RALGPS2: variants seen among roughly 807,000 people sequenced by gnomAD.
RALGPS2 encodes the protein Ral GEF with PH domain and SH3 binding motif 2.
A neutral mutation model predicts 86.8 loss-of-function variants in RALGPS2; 43 were observed. The observed-to-expected ratio is 0.50, with a 90% CI of 0.39 to 0.64. RALGPS2 has a LOEUF of 0.64. Ranked by LOEUF, RALGPS2 falls within the 30% of genes least tolerant of loss-of-function variation. The pLI, the probability that RALGPS2 is intolerant of heterozygous loss-of-function variation, is 0.00. For missense variants in RALGPS2, 536 were observed against 694.6 expected (o/e 0.77, Z 2.57); for synonymous variants, 243 against 231.3 (o/e 1.05, Z -0.46).
intron 1 of RALGPS2, among the ~76,000 whole-genome samples, chr1:178,734,826 A>G (rs1289204333): frequency 6.6e-6 from 1 of 152,226 alleles, no homozygotes; most frequent in East Asian, 1.9e-4. Flanking sequence ...GATTTAGAAA[A>G]AGGATAGCAT....
chr1:178,880,548 A>G (rs1445060644), intron 10 of RALGPS2, among the ~76,000 whole-genome samples: 1 of 152,090 alleles, frequency 6.6e-6, no homozygotes, highest in African/African-American at 2.4e-5. Flanking sequence ...TTCAAGTTTG[A>G]TGGTCTGTGT....
At chr1:178,843,751 G>T (rs369330749) in intron 8 of RALGPS2, among the ~76,000 whole-genome samples, 37 of 152,070 alleles carry the variant, frequency 2.4e-4, no homozygotes, top group African/African-American at 8.0e-4. Context: ...TTAGATACTG[G>T]TATTCTTCAT....
chr1:178,888,246 C>T (rs1454307578), intron 13 of RALGPS2, among the ~76,000 whole-genome samples: 2 of 152,024 alleles, frequency 1.3e-5, no homozygotes, highest in East Asian at 3.9e-4. Context: ...CATTTACCTT[C>T]GAGGATTTTT....
At chr1:178,759,943 G>A (rs1327640109) in intron 1 of RALGPS2, among the ~76,000 whole-genome samples, 1 of 152,096 alleles carries the variant, frequency 6.6e-6, no homozygotes, top group Admixed American at 6.5e-5. Flanking sequence ...TTTATACCCT[G>A]CAACTTTACT....
chr1:178,732,296 T>A (rs917236558), intron 1 of RALGPS2, among the ~76,000 whole-genome samples: 1 of 129,682 alleles, frequency 7.7e-6, no homozygotes, highest in Non-Finnish European at 1.6e-5. Flanking sequence ...TGATTTATTT[T>A]ATTTATTTAT....
Position 178,833,467 on chromosome 1 carries a change from A to T in RALGPS2, c.524A>T (p.Tyr175Phe). Residue 175 changes from tyrosine (Y) to phenylalanine (F), a missense_variant, in exon 8 of 20, where the codon TAT becomes TTT. By Grantham distance (22) the Tyr-to-Phe change is conservative. Coordinates refer to ENST00000367635, the MANE Select transcript of RALGPS2 (RefSeq NM_152663.5). The part of the protein sequence containing the change: ...KDKTTFEKLE[Y>F]VMSKEDNYKR... ...AAAACTACCTTTGAAAAATTAGAATATGTAATGAGTAAAGAAGATAACTAC... is the reference window on the plus strand; with the variant it reads ...AAAACTACCTTTGAAAAATTAGAATTTGTAATGAGTAAAGAAGATAACTAC... 6.6e-7 allele frequency: 1 copy of T among 1,525,558 alleles called. No individual in the cohort carries two copies. Among genetic ancestry groups the T allele is most frequent in the South Asian group, 1.3e-5 (1 of 76,090 alleles). The allele number at this position is 1,525,558 out of a possible 1,614,324, so 94.5% of individuals were successfully genotyped here.
At position 178,903,651 on chromosome 1, in the gene RALGPS2, C is replaced by T. The variant is rs978514231; in HGVS notation, c.1630+1440C>T. ...TTCACTTAGAATAATAGTTTCTAAT[C>T]TTATCCAGGTCACTGCAAATGCTGT... is the stretch of plus-strand genomic sequence containing the variant. On this transcript the variant is annotated intron_variant, in intron 18 of 19. Coordinates refer to ENST00000367635, the MANE Select transcript of RALGPS2 (RefSeq NM_152663.5). Among the ~76,000 whole-genome samples, 6 of 152,268 alleles carry T rather than the reference C, an allele frequency of 3.9e-5. No individual in the cohort carries two copies. In the South Asian group the frequency reaches 8.3e-4, roughly 21 times the overall value.
intron 6 of RALGPS2, among the ~76,000 whole-genome samples, chr1:178,818,321 G>T (rs1558132834): frequency 6.6e-6 from 1 of 152,100 alleles, no homozygotes; most frequent in South Asian, 2.1e-4. Flanking sequence ...GATCATGCCA[G>T]TGCACTCCAG....
intron 1 of RALGPS2, among the ~76,000 whole-genome samples, chr1:178,765,527 C>T (rs971877597): frequency 5.9e-5 from 9 of 152,042 alleles, no homozygotes; most frequent in South Asian, 2.1e-4. Flanking sequence ...ATCACAGGAA[C>T]GGAGCGAAAT....
intron 1 of RALGPS2, among the ~76,000 whole-genome samples, chr1:178,755,158 T>G (rs1651886355): frequency 6.6e-6 from 1 of 152,196 alleles, no homozygotes; most frequent in Non-Finnish European, 1.5e-5. Flanking sequence ...TTTTTTCCAA[T>G]GCATGTGTGA....
chr1:178,836,904 C>T (rs1332482697), intron 8 of RALGPS2, among the ~76,000 whole-genome samples: 2 of 152,080 alleles, frequency 1.3e-5, no homozygotes, highest in Non-Finnish European at 2.9e-5. Flanking sequence ...TTAGCCTCTG[C>T]AGTAGCTGAG....
At chr1:178,763,749 C>T (rs917035139) in intron 1 of RALGPS2, among the ~76,000 whole-genome samples, 2 of 152,084 alleles carry the variant, frequency 1.3e-5, no homozygotes, top group African/African-American at 2.4e-5. Flanking sequence ...TCATTATTTA[C>T]CCAGAAATCA....
intron 1 of RALGPS2, among the ~76,000 whole-genome samples, chr1:178,770,975 A>G (rs1297428141): frequency 6.7e-6 from 1 of 150,278 alleles, no homozygotes; most frequent in Non-Finnish European, 1.5e-5. Context: ...AGTCGCTGGG[A>G]TTACAGGCGC....
intron 1 of RALGPS2, among the ~76,000 whole-genome samples, chr1:178,758,189 A>C (rs547280832): frequency 6.6e-6 from 1 of 152,118 alleles, no homozygotes; most frequent in South Asian, 2.1e-4. Flanking sequence ...TAGTTTATCT[A>C]TCTGGTGGTC....
At chr1:178,777,067 C>T (rs1219201781) in intron 2 of RALGPS2, among the ~76,000 whole-genome samples, 1 of 151,108 alleles carries the variant, frequency 6.6e-6, no homozygotes, top group African/African-American at 2.4e-5. Context: ...CGTCATCTAG[C>T]ATTAGGTATA....
At chr1:178,791,375 G>A (rs372779865) in intron 4 of RALGPS2, among the ~76,000 whole-genome samples, 2 of 148,560 alleles carry the variant, frequency 1.3e-5, no homozygotes, top group East Asian at 4.0e-4. Flanking sequence ...GCGATCCCCC[G>A]GCCTCGGCTT....
At chr1:178,751,295 C>T (rs1230740694) in intron 1 of RALGPS2, among the ~76,000 whole-genome samples, 1 of 152,090 alleles carries the variant, frequency 6.6e-6, no homozygotes, top group African/African-American at 2.4e-5. Flanking sequence ...CCATTTTCTA[C>T]TTGTTAAGAC....
intron 8 of RALGPS2, among the ~76,000 whole-genome samples, chr1:178,861,080 A>G (rs1239933814): frequency 1.3e-5 from 2 of 152,194 alleles, no homozygotes; most frequent in African/African-American, 4.8e-5. Context: ...CAAATGAGAA[A>G]ACACAAACTG....
At chr1:178,776,031 TGTATTAA>T (rs1653066276) in intron 1 of RALGPS2, among the ~76,000 whole-genome samples, 1 of 151,688 alleles carries the variant, frequency 6.6e-6, no homozygotes, top group Non-Finnish European at 1.5e-5. Context: ...GCATTGGCAC[TGTATTAA>T]GTATTATGAG....
Sources: allele counts gnomAD v4.1 joint callset (sites outside exome capture counted in the v4.1 genomes callset), GRCh38; gene constraint gnomAD v4.1.1; transcripts MANE v1.5; gene names NCBI Gene and HGNC (gene_info 2026-07-23, HGNC 2026-07-21).